Variants in ARHGEF7 observed in about 807,000 individuals in gnomAD.
The protein encoded by ARHGEF7 is PAK-interacting exchange factor beta.
A neutral mutation model predicts 109.8 loss-of-function variants in ARHGEF7; 33 were observed. The ratio of observed to expected loss-of-function variants is 0.30; its 90% CI spans 0.23 to 0.40. The LOEUF (loss-of-function observed/expected upper bound fraction) is 0.40. Ranked by LOEUF, ARHGEF7 falls within the 10% of genes least tolerant of loss-of-function variation. The pLI, the probability that ARHGEF7 is intolerant of heterozygous loss-of-function variation, is 1.00. For synonymous variants in ARHGEF7, 458 were observed against 424.6 expected, an observed-to-expected ratio of 1.08 and a Z score of -0.97; for missense variants, 938 against 1,098.5, an observed-to-expected ratio of 0.85 and a Z score of 2.07.
intron 9 of ARHGEF7, among the ~76,000 whole-genome samples, chr13:111,270,880 A>G (rs756716813): frequency 8.5e-5 from 13 of 152,218 alleles, no homozygotes; most frequent in Non-Finnish European, 1.3e-4. Context: ...ATGTCACTCT[A>G]TTCATGCTTT....
At position 111,209,895 on chromosome 13, in the gene ARHGEF7, G is replaced by A. The variant is rs774308780; in HGVS notation, c.361G>A (p.Val121Met). 10 of 1,614,058 alleles carry A rather than the reference G, an allele frequency of 6.2e-6. No individual in the cohort carries two copies. In the African/African-American group the frequency reaches 8.0e-5, roughly 13 times the overall value. Residue 121 changes from valine (V) to methionine (M), a missense_variant, in exon 4 of 22, where the codon GTG becomes ATG. This residue lies in a region of ARHGEF7 where 585 missense variants were observed against 723.6 expected (regional missense o/e 0.81). Transcript: ENST00000646102. The stretch of plus-strand genomic sequence containing the variant: ...AGACATCGGGCTGGGGAGTGACTCC[G>A]TGTGTGCCCGGCCCTCGTCTCACCG... ...TADIGLGSDS[V>M]CARPSSHRIK...
At chr13:111,168,390 C>A (rs1215369626) in intron 2 of ARHGEF7, among the ~76,000 whole-genome samples, 1 of 152,196 alleles carries the variant, frequency 6.6e-6, no homozygotes, top group East Asian at 1.9e-4. Context: ...GAGTCCCCGC[C>A]TCCTGCAGAT....
chr13:111,138,290 G>C (rs545320954), intron 1 of ARHGEF7, among the ~76,000 whole-genome samples: 1 of 152,016 alleles, frequency 6.6e-6, no homozygotes, highest in South Asian at 2.1e-4. Flanking sequence ...TCCAGCCTTG[G>C]CAACAAGAGC....
At position 111,132,604 on chromosome 13, in the gene ARHGEF7, C is replaced by G. The variant is rs561025485; in HGVS notation, c.165+16913C>G. The stretch of plus-strand genomic sequence containing the variant: ...TCTCCTGGGATTGACTTTTTCTTTC[C>G]CTTTAGAAAACGCTCACAGTGTATT... On this transcript the variant is annotated intron_variant, in intron 1 of 21. Coordinates refer to ENST00000646102, the MANE Select transcript of ARHGEF7 (RefSeq NM_001354046.2). Among the ~76,000 whole-genome samples, 4 of 152,182 alleles carry G rather than the reference C, an allele frequency of 2.6e-5. No individual in the cohort carries two copies. The East Asian group carries it at 7.7e-4, about 29-fold the overall frequency.
At chr13:111,250,808 G>C (rs1283601808) in intron 8 of ARHGEF7, among the ~76,000 whole-genome samples, 3 of 152,228 alleles carry the variant, frequency 2.0e-5, no homozygotes, top group Non-Finnish European at 4.4e-5. Flanking sequence ...TTGACTTCCT[G>C]GTACCAGTTT....
rs770990057 is a variant in ARHGEF7, at chr13:111,221,440, T to TAG, written c.670+3561_670+3562insGA. 4.2e-4 allele frequency among the ~76,000 whole-genome samples: 16 copies of TAG among 38,018 alleles called. 2 individuals carry two copies. Among genetic ancestry groups the TAG allele is most frequent in the Non-Finnish European group, 7.8e-4 (13 of 16,572 alleles). 24.9% of individuals were successfully genotyped at this position (38,018 alleles called of 152,430 possible). ...GTCTATATATCTATATATAGATATATATATCTATATATATAGATATATAGA... is the reference window on the plus strand; with the variant it reads ...GTCTATATATCTATATATAGATATATAGATATCTATATATATAGATATATAGA... On this transcript the variant is annotated intron_variant, in intron 5 of 21. Transcript: ENST00000646102.
intron 21 of ARHGEF7, among the ~76,000 whole-genome samples, chr13:111,301,915 T>C (rs1368150325): frequency 3.3e-5 from 5 of 152,168 alleles, no homozygotes; most frequent in Non-Finnish European, 7.4e-5. Context: ...AAGCTGATTG[T>C]CCATAAGCAA....
chr13:111,288,573 T>C, intron 18 of ARHGEF7, 130 bp downstream of exon 18: 1 of 538,222 alleles, frequency 1.9e-6, no homozygotes, highest in Non-Finnish European at 3.1e-6. Context: ...TGAGTGATGT[T>C]TCAGTCAGGG....
rs1022364889 is a variant in ARHGEF7, at chr13:111,154,070, G to T, written c.252+79G>T. 13 of 1,379,360 alleles carry T rather than the reference G, an allele frequency of 9.4e-6. No homozygotes were observed. The Admixed American group carries it at 2.8e-4, about 30-fold the overall frequency. 85.4% of individuals were successfully genotyped at this position (1,379,360 alleles called of 1,614,324 possible). On this transcript the variant is annotated intron_variant, in intron 2 of 21. Coordinates refer to ENST00000646102, the MANE Select transcript of ARHGEF7 (RefSeq NM_001354046.2). ...CCGGGGTGGGTGCTTCGCTCCAGCC[G>T]GACCTCCTGCCTCCTCCGCGCCCGG...
intron 2 of ARHGEF7, among the ~76,000 whole-genome samples, chr13:111,197,736 A>G (rs2080703245): frequency 6.6e-6 from 1 of 152,036 alleles, no homozygotes; most frequent in Non-Finnish European, 1.5e-5. Context: ...TCCAGATAGT[A>G]CCCCCTATGA....
intron 2 of ARHGEF7, among the ~76,000 whole-genome samples, chr13:111,157,856 C>A (rs1015848006): frequency 6.6e-6 from 1 of 152,118 alleles, no homozygotes; most frequent in African/African-American, 2.4e-5. Context: ...CAAGATGTTC[C>A]CACCCTATGC....
intron 1 of ARHGEF7, among the ~76,000 whole-genome samples, chr13:111,135,875 G>A (rs1202653515): frequency 1.3e-5 from 2 of 152,186 alleles, no homozygotes; most frequent in African/African-American, 4.8e-5. Context: ...TCTTGTGCCA[G>A]TTTTCCAAGG....
At chr13:111,175,787 T>C (rs2078099387) in intron 2 of ARHGEF7, among the ~76,000 whole-genome samples, 1 of 152,188 alleles carries the variant, frequency 6.6e-6, no homozygotes, top group African/African-American at 2.4e-5. Context: ...TAGAGAACTG[T>C]CTGAGACTGG....
At chr13:111,193,356 T>C (rs2080123311) in intron 2 of ARHGEF7, among the ~76,000 whole-genome samples, 1 of 152,214 alleles carries the variant, frequency 6.6e-6, no homozygotes, top group South Asian at 2.1e-4. Flanking sequence ...AATTTTGGCC[T>C]CAGCATCTGC....
chr13:111,225,138 G>A (rs368666684), intron 5 of ARHGEF7, among the ~76,000 whole-genome samples: 1 of 152,134 alleles, frequency 6.6e-6, no homozygotes, highest in South Asian at 2.1e-4. Flanking sequence ...TCCCGTTGTC[G>A]GTGATGATTA....
intron 4 of ARHGEF7, among the ~76,000 whole-genome samples, chr13:111,210,502 C>T (rs769502856): frequency 2.0e-5 from 3 of 152,020 alleles, no homozygotes; most frequent in Non-Finnish European, 2.9e-5. Flanking sequence ...CTGATTGGGA[C>T]GCAGAGAAAG....
intron 8 of ARHGEF7, among the ~76,000 whole-genome samples, chr13:111,262,905 A>G (rs947226659): frequency 4.6e-5 from 7 of 152,206 alleles, no homozygotes; most frequent in Non-Finnish European, 7.3e-5. Flanking sequence ...AGCAGCTGGC[A>G]TGATGCGTGC....
At chr13:111,208,779 G>C in intron 3 of ARHGEF7, among the ~76,000 whole-genome samples, 1 of 151,968 alleles carries the variant, frequency 6.6e-6, no homozygotes, top group East Asian at 1.9e-4. Flanking sequence ...GGGGTGACCT[G>C]AGAAGAATTT....
At chr13:111,159,135 G>A (rs374925890) in intron 2 of ARHGEF7, 129 of 713,166 alleles carry the variant, frequency 1.8e-4, no homozygotes, top group African/African-American at 1.3e-3. Context: ...AGATCGTGCA[G>A]TATTTGTCTT....
Sources: allele counts gnomAD v4.1 joint callset (sites outside exome capture counted in the v4.1 genomes callset), GRCh38; gene constraint gnomAD v4.1.1; regional missense constraint gnomAD v4.1.1; transcripts MANE v1.5; gene names NCBI Gene and HGNC (gene_info 2026-07-23, HGNC 2026-07-21).